Variants in KLHL29 observed in about 807,000 individuals in gnomAD.
KLHL29 encodes the protein kelch-like protein 29.
A neutral mutation model predicts 80.4 loss-of-function variants in KLHL29; 21 were observed. The observed-to-expected ratio is 0.26, with a 90% CI of 0.19 to 0.38. The LOEUF is 0.38. Among genes scored for constraint, KLHL29 ranks in the 10% least tolerant of loss-of-function variants. The pLI is 1.00. For missense variants in KLHL29, 867 were observed against 1,223.9 expected, an observed-to-expected ratio of 0.71 and a Z score of 4.35; for synonymous variants, 511 against 526.8, an observed-to-expected ratio of 0.97 and a Z score of 0.41.
intron 3 of KLHL29, among the ~76,000 whole-genome samples, chr2:23,599,008 ACT>A (rs1378491345): frequency 6.6e-6 from 1 of 151,956 alleles, no homozygotes; most frequent in Non-Finnish European, 1.5e-5. Context: ...GCCATGGGAA[ACT>A]CCAAGATTCC....
chr2:23,621,057 G>A (rs1669168529), intron 3 of KLHL29, among the ~76,000 whole-genome samples: 1 of 152,256 alleles, frequency 6.6e-6, no homozygotes, highest in African/African-American at 2.4e-5. Flanking sequence ...TTCCACCGCA[G>A]GAACATCCTT....
intron 3 of KLHL29, among the ~76,000 whole-genome samples, chr2:23,604,475 G>C (rs146187736): frequency 6.6e-6 from 1 of 152,212 alleles, no homozygotes; most frequent in Admixed American, 6.5e-5. Flanking sequence ...CCACTGGGAC[G>C]CAAGTGTCAC....
intron 1 of KLHL29, among the ~76,000 whole-genome samples, chr2:23,463,241 G>GTTTTTCAT: frequency 6.7e-6 from 1 of 150,258 alleles, no homozygotes; most frequent in Non-Finnish European, 1.5e-5. Flanking sequence ...TTTTCATTTG[G>GTTTTTCAT]TTTATAGGTA....
At chr2:23,470,497 G>A (rs1297964413) in intron 1 of KLHL29, among the ~76,000 whole-genome samples, 1 of 152,168 alleles carries the variant, frequency 6.6e-6, no homozygotes, top group African/African-American at 2.4e-5. Context: ...TCTGTAAAAT[G>A]AGGATTACAA....
At chr2:23,576,095 A>G (rs1397714703) in intron 3 of KLHL29, among the ~76,000 whole-genome samples, 3 of 152,216 alleles carry the variant, frequency 2.0e-5, no homozygotes, top group Non-Finnish European at 2.9e-5. Flanking sequence ...ACCTGAGGTC[A>G]GGAGTTTGAG....
At chr2:23,456,078 G>A (rs1664041623) in intron 1 of KLHL29, among the ~76,000 whole-genome samples, 1 of 152,146 alleles carries the variant, frequency 6.6e-6, no homozygotes. Context: ...TGGACTTCTG[G>A]CCTCCAGAAC....
rs57142949 is a variant in KLHL29 at position 23,654,706 on chromosome 2, G to GT, written c.940+11856_940+11857insT. ...GAAGGGAACAGAGGTTGGGGGGGGG[G>GT]GGTGGATGTTTTGTATGTGCCTACC... On this transcript the variant is annotated intron_variant, in intron 5 of 13. Coordinates refer to ENST00000486442, the MANE Select transcript of KLHL29 (RefSeq NM_052920.2). 1.3e-4 allele frequency among the ~76,000 whole-genome samples: 7 copies of GT among 52,660 alleles called. 1 individual carries two copies. The highest frequency in any genetic ancestry group is 9.9e-4 in the East Asian group (1 of 1,010). 34.5% of individuals were successfully genotyped at this position (52,660 alleles called of 152,430 possible).
chr2:23,572,830 A>G (rs915388988), intron 3 of KLHL29, among the ~76,000 whole-genome samples: 3 of 151,704 alleles, frequency 2.0e-5, no homozygotes, highest in Non-Finnish European at 4.4e-5. Flanking sequence ...CCTCCTGAGT[A>G]GCTGGGACTA....
rs1223335720 is a variant in KLHL29, at chr2:23,684,159, G to GT, written c.941-233dup. 2.6e-5 allele frequency among the ~76,000 whole-genome samples: 4 copies of GT among 151,854 alleles called. No homozygotes were observed. The highest frequency in any genetic ancestry group is 4.4e-5 in the Non-Finnish European group (3 of 67,940). On this transcript the variant is annotated intron_variant, in intron 5 of 13. Transcript: ENST00000486442. This position sits in a 1 kb window ranked among gnomAD's most constrained non-coding sequence, Gnocchi z 4.4. ...GGTTTGATTTTTTGTATCATATTTGGTTTTTTTGCTTTTTAAAGTTGTGAT... is the reference window on the plus strand; with the variant it reads ...GGTTTGATTTTTTGTATCATATTTGGTTTTTTTTGCTTTTTAAAGTTGTGAT...
intron 1 of KLHL29, among the ~76,000 whole-genome samples, chr2:23,473,223 G>T (rs1244735123): frequency 6.6e-6 from 1 of 152,148 alleles, no homozygotes; most frequent in Non-Finnish European, 1.5e-5. Context: ...CCAGTCTCCT[G>T]CTAGTGCTTG....
At chr2:23,634,838 C>G (rs544995600) in intron 3 of KLHL29, among the ~76,000 whole-genome samples, 20 of 152,236 alleles carry the variant, frequency 1.3e-4, no homozygotes, top group Non-Finnish European at 2.4e-4. Flanking sequence ...CATTCACTCT[C>G]CCTGGAATCC....
intron 3 of KLHL29, among the ~76,000 whole-genome samples, chr2:23,629,578 G>A (rs2149148820): frequency 6.6e-6 from 1 of 152,316 alleles, no homozygotes; most frequent in East Asian, 1.9e-4. Context: ...AGGGGGGCTT[G>A]GAGGAAGGGG....
At chr2:23,668,689 C>T (rs150761083) in intron 5 of KLHL29, 2 of 152,242 alleles carry the variant, frequency 1.3e-5, no homozygotes, top group East Asian at 3.9e-4. Flanking sequence ...CGGGGTTCTT[C>T]CTGGAACCTC....
intron 6 of KLHL29, among the ~76,000 whole-genome samples, chr2:23,685,791 C>T (rs1385152467): frequency 8.5e-5 from 13 of 152,204 alleles, no homozygotes; most frequent in African/African-American, 3.1e-4. Flanking sequence ...CTCACCAGGC[C>T]AGGGAGGACT....
At chr2:23,635,502 C>G (rs1029787803) in intron 3 of KLHL29, among the ~76,000 whole-genome samples, 1 of 152,226 alleles carries the variant, frequency 6.6e-6, no homozygotes, top group South Asian at 2.1e-4. Context: ...TGCGCTGCCT[C>G]ACGGAGAGCT....
chr2:23,509,965 T>C (rs185866987), intron 2 of KLHL29, among the ~76,000 whole-genome samples: 1 of 152,354 alleles, frequency 6.6e-6, no homozygotes, highest in East Asian at 1.9e-4. Flanking sequence ...GAAATTCTAT[T>C]TGATTTATAT....
At chr2:23,626,802 G>A (rs945472286) in intron 3 of KLHL29, among the ~76,000 whole-genome samples, 3 of 152,216 alleles carry the variant, frequency 2.0e-5, no homozygotes, top group African/African-American at 7.2e-5. Context: ...CACACAGCAC[G>A]TGCAGACAGA....
chr2:23,703,697 G>A (rs966085386), intron 12 of KLHL29, 22 bp from the exon 13 acceptor site: 1 of 1,526,248 alleles, frequency 6.6e-7, no homozygotes, highest in African/African-American at 1.4e-5. Flanking sequence ...GCCGTGACCT[G>A]CCTGCTCTGC....
At chr2:23,661,997 G>A (rs1311195196) in intron 5 of KLHL29, among the ~76,000 whole-genome samples, 3 of 152,186 alleles carry the variant, frequency 2.0e-5, no homozygotes, top group African/African-American at 4.8e-5. Context: ...CACTTTTTGA[G>A]TGTATGAGTG....
Sources: gnomAD v4.1 joint callset for allele counts (sites outside exome capture counted in the v4.1 genomes callset) on GRCh38, gnomAD v4.1.1 for gene constraint, Gnocchi (gnomAD v3.1) non-coding constraint, MANE v1.5 for transcripts, NCBI Gene and HGNC (gene_info 2026-07-23, HGNC 2026-07-21) for gene names.